Variants in CBR4 observed in about 807,000 individuals in gnomAD.
CBR4 encodes the protein carbonyl reductase 4, also known as 3-oxoacyl-[acyl-carrier-protein] reductase.
Under a neutral mutation model 21.0 loss-of-function variants are expected in CBR4, and 22 were observed. That is an observed-to-expected ratio of 1.05 (90% CI 0.75 to 1.50). The LOEUF (loss-of-function observed/expected upper bound fraction) is 1.50. Ranked by LOEUF, CBR4 falls within the 40% of genes most tolerant of loss-of-function variation. The pLI, the probability that CBR4 is intolerant of heterozygous loss-of-function variation, is 0.00. For missense variants in CBR4, 302 were observed against 286.3 expected, an observed-to-expected ratio of 1.05 and a Z score of -0.40; for synonymous variants, 100 against 104.4, an observed-to-expected ratio of 0.96 and a Z score of 0.26.
In CBR4 at chr4:169,002,185, C is replaced by T. The variant is rs368200061; in HGVS notation, c.421G>A (p.Gly141Ser). The change falls in exon 4 of 5, where the codon GGC (glycine) becomes AGC (serine). Residue 141 changes from glycine (G) to serine (S), a missense_variant. Gly to Ser is a moderately conservative substitution (Grantham distance 56). Transcript: ENST00000306193. ...VNVGSIVGLK[G>S]NSGQSVYSAS... ...CTGTAAACGGACTGGCCAGAGTTGCCTTTTAAGCCAACAATGCTTCCTAGG... is the reference window on the plus strand; with the variant it reads ...CTGTAAACGGACTGGCCAGAGTTGCTTTTTAAGCCAACAATGCTTCCTAGG... 22 of 1,270,956 alleles carry T rather than the reference C, an allele frequency of 1.7e-5. No individual in the cohort carries two copies. The highest frequency in any genetic ancestry group is 2.3e-5 in the Non-Finnish European group (22 of 955,770). 78.7% of individuals were successfully genotyped at this position (1,270,956 alleles called of 1,614,324 possible).
At chr4:169,007,145 A>C (rs1454844382) in intron 2 of CBR4, among the ~76,000 whole-genome samples, 1 of 152,214 alleles carries the variant, frequency 6.6e-6, no homozygotes, top group African/African-American at 2.4e-5. Context: ...CTTAACCCCT[A>C]AAAAGTAGTA....
chr4:168,993,602 T>C (rs911667004), intron 4 of CBR4, among the ~76,000 whole-genome samples: 3 of 152,188 alleles, frequency 2.0e-5, no homozygotes, highest in African/African-American at 7.2e-5. Flanking sequence ...ATAAAAATTG[T>C]CAAAAACATG....
chr4:168,929,414 T>C (rs1242801364), intron 2 of CBR4, among the ~76,000 whole-genome samples: 5 of 152,226 alleles, frequency 3.3e-5, no homozygotes, highest in African/African-American at 1.2e-4. Flanking sequence ...GAATTGTGTA[T>C]TTCACATTGT....
chr4:168,989,940 C>T lies in CBR4; in HGVS notation c.*210G>A, dbSNP rs1439063386. 1 of 1,200,150 alleles carries T rather than the reference C, an allele frequency of 8.3e-7. No homozygotes were observed. Among genetic ancestry groups the T allele is most frequent in the Non-Finnish European group, 1.0e-6 (1 of 965,368 alleles). 74.3% of individuals were successfully genotyped at this position (1,200,150 alleles called of 1,614,324 possible). The stretch of plus-strand genomic sequence containing the variant: ...TCTCATGAAGGCTTTTTAAACAAAA[C>T]AACACTGATGTAACTTAGACCAAAA... On this transcript the variant is annotated 3_prime_UTR_variant, in exon 5 of 5. Transcript: ENST00000306193.
At chr4:168,894,628 G>C in exon 3 of CBR4, 1 of 1,613,776 alleles carries the variant, frequency 6.2e-7, no homozygotes, top group Non-Finnish European at 8.5e-7. Context: ...GGTGCTGACA[G>C]TGCAACTGTC....
chr4:168,928,420 G>A (rs1762828455), intron 2 of CBR4: 1 of 179,772 alleles, frequency 5.6e-6, no homozygotes. Context: ...ACAAATAATA[G>A]TTGCAGTTTT....
At chr4:168,920,049 A>C (rs879527104) in intron 2 of CBR4, among the ~76,000 whole-genome samples, 4 of 152,186 alleles carry the variant, frequency 2.6e-5, no homozygotes, top group Non-Finnish European at 5.9e-5. Flanking sequence ...CTAGGATCTA[A>C]CCTGGTAAAG....
rs1386700857 is a variant in CBR4, at chr4:168,951,502, A to AT, written n.169+50568dup. ...GCTTTTTAAATTGTATTTTTGTTTT[A>AT]TAGGTCCTGTGAGATTTATGCTTTT... On this transcript the variant is annotated intron_variant and non_coding_transcript_variant, in intron 2 of 3. Coordinates refer to the CBR4 transcript ENST00000509108. 9.4e-4 allele frequency among the ~76,000 whole-genome samples: 143 copies of AT among 152,040 alleles called. 1 individual carries two copies. Among genetic ancestry groups the AT allele is most frequent in the African/African-American group, 3.3e-3 (138 of 41,496 alleles).
In CBR4 at chr4:168,989,274, G is replaced by C. The variant is rs557124168; in HGVS notation, c.*876C>G. 3.0e-6 allele frequency: 3 copies of C among 984,784 alleles called. No homozygotes were observed. The highest frequency in any genetic ancestry group is 2.3e-4 in the East Asian group (2 of 8,810). The allele number at this position is 984,784 out of a possible 1,614,324, so 61.0% of individuals were successfully genotyped here. ...TAGTTCACTATTCTAAGTTTTTCAT[G>C]AATAAAAAACACATCCTAAGTTCAT... On this transcript the variant is annotated 3_prime_UTR_variant, in exon 5 of 5. Transcript: ENST00000306193.
chr4:168,934,171 T>G (rs1188119195), intron 2 of CBR4, among the ~76,000 whole-genome samples: 1 of 150,514 alleles, frequency 6.6e-6, no homozygotes, highest in African/African-American at 2.4e-5. Flanking sequence ...CAGGTTGCTT[T>G]GAGGCCAGGA....
At chr4:169,009,925 G>A (rs748344738) in intron 1 of CBR4, 23 bp downstream of exon 1, 1 of 1,603,104 alleles carries the variant, frequency 6.2e-7, no homozygotes, top group Non-Finnish European at 8.5e-7. Context: ...CATACAACTG[G>A]ACAACTCCAG....
At chr4:168,903,795 G>C in intron 2 of CBR4, 1 of 1,612,242 alleles carries the variant, frequency 6.2e-7, no homozygotes, top group Non-Finnish European at 8.5e-7. Flanking sequence ...TCTCTCCAAA[G>C]AGTGATCACT....
intron 2 of CBR4, among the ~76,000 whole-genome samples, chr4:168,907,996 G>A (rs964660000): frequency 4.6e-5 from 7 of 152,126 alleles, no homozygotes; most frequent in African/African-American, 1.7e-4. Flanking sequence ...AATAACCCAA[G>A]ACAGGCAAAA....
chr4:168,933,214 T>TTGAA, intron 2 of CBR4, among the ~76,000 whole-genome samples: 1 of 151,952 alleles, frequency 6.6e-6, no homozygotes, highest in East Asian at 1.9e-4. Context: ...TTAAAAGACG[T>TTGAA]TGAATGAATG....
Position 168,988,090 on chromosome 4 carries a change from T to C in CBR4, c.*2060A>G. 5.1e-6 allele frequency: 5 copies of C among 985,408 alleles called. No homozygotes were observed. The highest frequency in any genetic ancestry group is 6.0e-6 in the Non-Finnish European group (5 of 829,884). 61.0% of individuals were successfully genotyped at this position (985,408 alleles called of 1,614,324 possible). ...TTTTAAAAAATGAATTCACTGAGGT[T>C]CTTAAACCTCTGAACATAAGGCAAC... On this transcript the variant is annotated 3_prime_UTR_variant, in exon 5 of 5. Coordinates refer to ENST00000306193, the MANE Select transcript of CBR4 (RefSeq NM_032783.5).
intron 2 of CBR4, chr4:168,898,828 C>T (rs773646568): frequency 7.3e-5 from 56 of 769,022 alleles, no homozygotes; most frequent in Admixed American, 3.0e-4. Flanking sequence ...TCAATACCCA[C>T]GATATAAAGG....
At chr4:168,895,654 T>A (rs986834236) in intron 2 of CBR4, among the ~76,000 whole-genome samples, 1 of 152,004 alleles carries the variant, frequency 6.6e-6, no homozygotes, top group African/African-American at 2.4e-5. Context: ...TAAATTAGAG[T>A]GGTCTGAAGA....
intron 2 of CBR4, among the ~76,000 whole-genome samples, chr4:168,897,493 C>G (rs1410537880): frequency 6.6e-6 from 1 of 152,184 alleles, no homozygotes; most frequent in Non-Finnish European, 1.5e-5. Flanking sequence ...TTTGCCCAGG[C>G]TTGAGTGCAG....
intron 2 of CBR4, among the ~76,000 whole-genome samples, chr4:168,939,709 T>C (rs1010117775): frequency 6.6e-6 from 1 of 152,002 alleles, no homozygotes; most frequent in Admixed American, 6.6e-5. Context: ...GAGAATAAAA[T>C]ACTTAGGAAC....
Sources: allele counts gnomAD v4.1 joint callset (sites outside exome capture counted in the v4.1 genomes callset), GRCh38; gene constraint gnomAD v4.1.1; transcripts MANE v1.5; gene names NCBI Gene and HGNC (gene_info 2026-07-23, HGNC 2026-07-21).